Variants in PPP1R26 observed in about 807,000 individuals in gnomAD.
PPP1R26 encodes the protein 1A6/DRIM (down-regulated in metastasis) interacting protein.
Under a neutral mutation model 67.6 loss-of-function variants are expected in PPP1R26, and 22 were observed. The ratio of observed to expected loss-of-function variants is 0.33; its 90% CI spans 0.23 to 0.46. The LOEUF is 0.46. PPP1R26 is among the 20% of genes least tolerant of loss of function. The pLI, the probability that PPP1R26 is intolerant of heterozygous loss-of-function variation, is 1.00. For synonymous variants in PPP1R26, 729 were observed against 717.2 expected (o/e 1.02, Z -0.26); for missense variants, 1,602 against 1,651.4 (o/e 0.97, Z 0.52).
At chr9:135,479,388 C>G (rs1445627683), upstream of PPP1R26, among the ~76,000 whole-genome samples, 37 of 151,730 alleles carry the variant, frequency 2.4e-4, no homozygotes, top group Non-Finnish European at 4.6e-4. The surrounding 1 kb of genome is among the most constrained non-coding windows in gnomAD (Gnocchi z 5.9). Flanking sequence ...GCTCCGAGCG[C>G]TTTCCCACGG....
At chr9:135,482,398 TGA>T (rs761428569) in intron 1 of PPP1R26, among the ~76,000 whole-genome samples, 2 of 152,206 alleles carry the variant, frequency 1.3e-5, no homozygotes, top group Non-Finnish European at 2.9e-5. Context: ...GGCCAGAATT[TGA>T]GAACTAGCAG....
In PPP1R26 at chr9:135,487,514, G is replaced by A. The variant is rs143276390; in HGVS notation, c.3004G>A (p.Gly1002Arg). The A allele has an allele frequency of 5.3e-4, 846 of 1,604,252 alleles. 5 individuals are homozygous for A. The African/African-American group carries it at 8.8e-3, about 17-fold the overall frequency. The change falls in exon 4 of 4, where the codon GGG becomes AGG. Residue 1002 changes from glycine (G) to arginine (R), a missense_variant. Physicochemically the swap from Gly to Arg is moderately radical, Grantham distance 125. Transcript: ENST00000356818. ...CAGAGGAACCTTTCACATGGGCTGC[G>A]GGAGCCCGAGCTTCCTGACCCCCAG... ...GARGTFHMGC[G>R]SPSFLTPSPG...
At chr9:135,483,911 A>G (rs1430700992) in intron 2 of PPP1R26, 39 bp from the exon 3 acceptor site, 2 of 398,586 alleles carry the variant, frequency 5.0e-6, no homozygotes, top group African/African-American at 2.1e-5. Flanking sequence ...TGGGGAAATA[A>G]TTTCTGAGTG....
chr9:135,484,579 G>A lies in PPP1R26; in HGVS notation c.69G>A (p.Gly23=). 1 of 1,612,666 alleles carries A rather than the reference G, an allele frequency of 6.2e-7. No homozygotes were observed. Among genetic ancestry groups the A allele is most frequent in the East Asian group, 2.2e-5 (1 of 44,876 alleles). The change falls in exon 4 of 4, where the codon GGG becomes GGA. Residue 23 remains glycine, a synonymous_variant. Coordinates refer to ENST00000356818, the MANE Select transcript of PPP1R26 (RefSeq NM_014811.5). ...AATGGGAGGCCTTTGGCCCGCCAGGGAGCTGTAGGTTCCCCAGGTGCTTCT... is the reference window on the plus strand; with the variant it reads ...AATGGGAGGCCTTTGGCCCGCCAGGAAGCTGTAGGTTCCCCAGGTGCTTCT... ...QSKWEAFGPP[G]SCRFPRCFSE...
At chr9:135,482,037 A>G (rs1432422238) in intron 1 of PPP1R26, among the ~76,000 whole-genome samples, 3 of 152,162 alleles carry the variant, frequency 2.0e-5, no homozygotes, top group Non-Finnish European at 4.4e-5. Context: ...TGGAGAACAG[A>G]CTATTTCCCC....
chr9:135,482,624 T>G (rs556421796), intron 1 of PPP1R26, 59 bp from the exon 2 acceptor site: 9 of 398,024 alleles, frequency 2.3e-5, no homozygotes, highest in African/African-American at 1.6e-4. Context: ...AAAAAAAAAT[T>G]TATCAACTGT....
Position 135,487,967 on chromosome 9 carries a change from C to T in PPP1R26, c.3457C>T (p.Leu1153=), listed in dbSNP as rs763151956. The T allele has an allele frequency of 1.1e-5, 17 of 1,604,592 alleles. No homozygotes were observed. In the African/African-American group the frequency reaches 2.1e-4, roughly 20 times the overall value. ...PWPTRKAQAG[L]SLHDRRSSGS... is the part of the protein sequence containing the mutation. ...GCCAACCAGGAAGGCACAGGCAGGG[C>T]TGAGTTTGCATGACAGGAGGAGCTC... is the stretch of plus-strand genomic sequence containing the variant. Residue 1153 remains leucine (L), a synonymous_variant, in exon 4 of 4, where the codon CTG becomes TTG. Transcript: ENST00000356818.
chr9:135,487,681 C>G lies in PPP1R26; in HGVS notation c.3171C>G (p.Ser1057Arg). Residue 1057 changes from serine to arginine, a missense_variant, in exon 4 of 4, where the codon AGC (serine) becomes AGG (arginine). Ser to Arg is a moderately radical substitution (Grantham distance 110). Around this residue, in one of 5 missense-constraint regions of PPP1R26, gnomAD observed 740 missense variants for 696.3 expected, o/e 1.06. Coordinates refer to ENST00000356818, the MANE Select transcript of PPP1R26 (RefSeq NM_014811.5). ...CAGTGTGGAGGGGGGGCGTCGGGAG[C>G]GAGAGAGACAAGGGGTCCGAGGGCC... is the stretch of plus-strand genomic sequence containing the variant. ...RDAVWRGGVGSERDKGSEGPA... is the reference protein window; with the variant it reads ...RDAVWRGGVGRERDKGSEGPA... 2 of 1,456,530 alleles carry G rather than the reference C, an allele frequency of 1.4e-6. No homozygotes were observed. The highest frequency in any genetic ancestry group is 2.4e-4 in the Middle Eastern group (1 of 4,144). The allele number at this position is 1,456,530 out of a possible 1,614,324, so 90.2% of individuals were successfully genotyped here.
chr9:135,486,364 C>A lies in PPP1R26; in HGVS notation c.1854C>A (p.Ser618Arg). 1 of 1,613,234 alleles carries A rather than the reference C, an allele frequency of 6.2e-7. No individual in the cohort carries two copies. Among genetic ancestry groups the A allele is most frequent in the Non-Finnish European group, 8.5e-7 (1 of 1,179,970 alleles). ...KKMQEVVKDGSQDADHSQGRA... is the reference protein window; with the variant it reads ...KKMQEVVKDGRQDADHSQGRA... ...TGCAGGAGGTGGTGAAAGACGGTAGCCAGGATGCCGACCACAGCCAGGGGA... is the reference window on the plus strand; with the variant it reads ...TGCAGGAGGTGGTGAAAGACGGTAGACAGGATGCCGACCACAGCCAGGGGA... The change falls in exon 4 of 4, where the codon AGC becomes AGA. Residue 618 changes from serine (S) to arginine (R), a missense_variant. Coordinates refer to ENST00000356818, the MANE Select transcript of PPP1R26 (RefSeq NM_014811.5). The surrounding 1 kb of genome is among the most constrained non-coding windows in gnomAD (Gnocchi z 6.2).
rs1370928028 is a variant in PPP1R26, at chr9:135,486,410, A to C, written c.1900A>C (p.Arg634=). ...SQGRAEPGHE[R]RDLPIQGKAS... is the part of the protein sequence containing the mutation. ...GGGGAGAGCTGAGCCCGGCCATGAG[A>C]GGCGAGACCTGCCCATCCAGGGCAA... The change falls in exon 4 of 4, where the codon AGG becomes CGG. Residue 634 remains arginine (R), a synonymous_variant. Coordinates refer to ENST00000356818, the MANE Select transcript of PPP1R26 (RefSeq NM_014811.5). The surrounding 1 kb of genome is among the most constrained non-coding windows in gnomAD (Gnocchi z 6.2). The C allele has an allele frequency of 6.2e-7, 1 of 1,613,076 alleles. No homozygotes were observed. The highest frequency in any genetic ancestry group is 8.5e-7 in the Non-Finnish European group (1 of 1,179,848).
At chr9:135,482,983 C>CTTTTTTTTTTTTTTTTTTTTT (rs1360229729) in intron 2 of PPP1R26, among the ~76,000 whole-genome samples, 168 bp downstream of exon 2, 2 of 125,778 alleles carry the variant, frequency 1.6e-5, no homozygotes, top group East Asian at 3.3e-4. Flanking sequence ...CTTTTTCTTT[C>CTTTTTTTTTTTTTTTTTTTTT]TTTCTTTTTT....
Position 135,487,577 on chromosome 9 carries a change from C to A in PPP1R26, c.3067C>A (p.Arg1023Ser), listed in dbSNP as rs202137956. 3 of 1,534,282 alleles carry A rather than the reference C, an allele frequency of 2.0e-6. No homozygotes were observed. The highest frequency in any genetic ancestry group is 2.6e-6 in the Non-Finnish European group (3 of 1,141,924). ...AERDAGAQAD[R>S]TPPWSDFAHQ... Reference sequence around the variant, plus strand: ...GAGGGACGCTGGAGCCCAGGCCGACCGCACACCGCCCTGGAGCGACTTCGC... The same window carrying A: ...GAGGGACGCTGGAGCCCAGGCCGACAGCACACCGCCCTGGAGCGACTTCGC... Residue 1023 changes from arginine (R) to serine (S), a missense_variant, in exon 4 of 4, where the codon CGC becomes AGC. This residue lies in a region of PPP1R26 where 740 missense variants were observed against 696.3 expected (regional missense o/e 1.06). Coordinates refer to ENST00000356818, the MANE Select transcript of PPP1R26 (RefSeq NM_014811.5).
chr9:135,486,489 G>A lies in PPP1R26; in HGVS notation c.1979G>A (p.Arg660His), dbSNP rs562336070. Reference protein sequence around the residue: ...EGTARGPGDTRMSQGQGKTDE... With the variant: ...EGTARGPGDTHMSQGQGKTDE... The stretch of plus-strand genomic sequence containing the variant: ...ACCGCCAGGGGCCCTGGCGACACTC[G>A]CATGTCACAGGGCCAGGGTAAGACA... The change falls in exon 4 of 4, where the codon CGC becomes CAC. Residue 660 changes from arginine to histidine, a missense_variant. Physicochemically the swap from Arg to His is conservative, Grantham distance 29. Around this residue, in one of 5 missense-constraint regions of PPP1R26, gnomAD observed 680 missense variants for 726.1 expected, o/e 0.94. Coordinates refer to ENST00000356818, the MANE Select transcript of PPP1R26 (RefSeq NM_014811.5). This position sits in a 1 kb window ranked among gnomAD's most constrained non-coding sequence, Gnocchi z 6.2. 1.5e-5 allele frequency: 24 copies of A among 1,612,750 alleles called. No homozygotes were observed. The highest frequency in any genetic ancestry group is 3.4e-4 in the Middle Eastern group (2 of 5,836).
intron 1 of PPP1R26, 61 bp from the exon 2 acceptor site, chr9:135,482,622 A>T (rs78979690): frequency 2.5e-6 from 1 of 395,930 alleles, no homozygotes; most frequent in Non-Finnish European, 4.5e-6. Flanking sequence ...AAAAAAAAAA[A>T]TTTATCAACT....
rs771103289 is a variant in PPP1R26, at chr9:135,488,181, C to T, written c.*41C>T. 3.4e-6 allele frequency: 5 copies of T among 1,482,872 alleles called. No individual in the cohort carries two copies. Among genetic ancestry groups the T allele is most frequent in the East Asian group, 4.7e-5 (2 of 42,234 alleles). The allele number at this position is 1,482,872 out of a possible 1,614,324, so 91.9% of individuals were successfully genotyped here. A position where few individuals can be genotyped will look rare whatever the true frequency, so the allele number is the denominator to read the frequency against. On this transcript the variant is annotated 3_prime_UTR_variant, in exon 4 of 4. Transcript: ENST00000356818. Reference sequence around the variant, plus strand: ...GTTCGCGTCCTGGGTTGCGTGCATTCGTGGAAAGCGGCGTAGCCGTGCGTG... The same window carrying T: ...GTTCGCGTCCTGGGTTGCGTGCATTTGTGGAAAGCGGCGTAGCCGTGCGTG...
Position 135,485,014 on chromosome 9 carries a change from A to G in PPP1R26, c.504A>G (p.Gly168=). The change falls in exon 4 of 4, where the codon GGA becomes GGG. Residue 168 remains glycine (G), a synonymous_variant. Coordinates refer to ENST00000356818, the MANE Select transcript of PPP1R26 (RefSeq NM_014811.5). This position sits in a 1 kb window ranked among gnomAD's most constrained non-coding sequence, Gnocchi z 7.2. ...GAAQPSRAAG[G]GSRCKPEPAH... is the part of the protein sequence containing the mutation. Reference sequence around the variant, plus strand: ...CCCAGCCTTCCAGGGCCGCAGGCGGAGGCAGTAGATGTAAGCCGGAACCGG... The same window carrying G: ...CCCAGCCTTCCAGGGCCGCAGGCGGGGGCAGTAGATGTAAGCCGGAACCGG... 1.9e-6 allele frequency: 3 copies of G among 1,589,418 alleles called. No homozygotes were observed. In the South Asian group the frequency reaches 3.5e-5, roughly 18 times the overall value.
At chr9:135,482,929 T>G in intron 2 of PPP1R26, 114 bp downstream of exon 2, 1 of 393,290 alleles carries the variant, frequency 2.5e-6, no homozygotes, top group Non-Finnish European at 4.5e-6. Flanking sequence ...GGTTACCCCT[T>G]TTGGGCTCAC....
At position 135,486,783 on chromosome 9, in the gene PPP1R26, A is replaced by G. The variant is rs1830749565; in HGVS notation, c.2273A>G (p.Lys758Arg). ...PVLKSCLSKS[K>R]RDSGEGPGKK... is the part of the protein sequence containing the mutation. Reference sequence around the variant, plus strand: ...CTGAAGAGCTGCCTCTCCAAGTCCAAGAGAGACAGTGGCGAGGGTCCTGGG... The same window carrying G: ...CTGAAGAGCTGCCTCTCCAAGTCCAGGAGAGACAGTGGCGAGGGTCCTGGG... Residue 758 changes from lysine to arginine, a missense_variant, in exon 4 of 4, where the codon AAG becomes AGG. Physicochemically the swap from Lys to Arg is conservative, Grantham distance 26. Transcript: ENST00000356818. The surrounding 1 kb of genome is among the most constrained non-coding windows in gnomAD (Gnocchi z 6.2). 32 of 1,592,004 alleles carry G rather than the reference A, an allele frequency of 2.0e-5. No homozygotes were observed. Among genetic ancestry groups the G allele is most frequent in the Non-Finnish European group, 2.7e-5 (32 of 1,169,826 alleles).
In PPP1R26 at chr9:135,484,795, G is replaced by A. The variant is rs1264331451; in HGVS notation, c.285G>A (p.Ala95=). 15 of 1,611,254 alleles carry A rather than the reference G, an allele frequency of 9.3e-6. No homozygotes were observed. The highest frequency in any genetic ancestry group is 2.7e-5 in the African/African-American group (2 of 75,020). ...CCACCGTGCACAAGGAGCCACCCGCGTTGGCTGTCTGTGGTCTCGTTGCTG... is the reference window on the plus strand; with the variant it reads ...CCACCGTGCACAAGGAGCCACCCGCATTGGCTGTCTGTGGTCTCGTTGCTG... ...AKPTVHKEPP[A]LAVCGLVADF... Residue 95 remains alanine (A), a synonymous_variant, in exon 4 of 4, where the codon GCG becomes GCA. Transcript: ENST00000356818.
Sources: allele counts gnomAD v4.1 joint callset (sites outside exome capture counted in the v4.1 genomes callset), GRCh38; gene constraint gnomAD v4.1.1; regional missense constraint gnomAD v4.1.1; non-coding constraint Gnocchi (gnomAD v3.1); transcripts MANE v1.5; gene names NCBI Gene and HGNC (gene_info 2026-07-23, HGNC 2026-07-21).